Variants in CEACAM3 observed in about 807,000 individuals in gnomAD.
The protein encoded by CEACAM3 is CEA cell adhesion molecule 3.
In CEACAM3, 32 loss-of-function variants were observed where a neutral mutation model predicts 30.1. The ratio of observed to expected loss-of-function variants is 1.06; its 90% CI spans 0.80 to 1.43. CEACAM3 has a LOEUF of 1.43. CEACAM3 is among the 40% of genes most tolerant of loss of function. The probability of loss-of-function intolerance (pLI) is 0.00; values close to 1 mark genes in which losing one functional copy is unlikely to be tolerated. For missense variants in CEACAM3, 290 were observed against 316.3 expected (o/e 0.92, Z 0.63); for synonymous variants, 134 against 127.2 (o/e 1.05, Z -0.36).
At chr19:41,803,754 C>CA (rs2073175772) in intron 2 of CEACAM3, among the ~76,000 whole-genome samples, 1 of 45,650 alleles carries the variant, frequency 2.2e-5, no homozygotes, top group African/African-American at 3.5e-5. Context: ...GCATGAGCCA[C>CA]CATGCCCGGC....
intron 2 of CEACAM3, chr19:41,807,631 A>T: frequency 8.4e-7 from 1 of 1,195,990 alleles, no homozygotes; most frequent in Non-Finnish European, 1.1e-6. Context: ...AATATCTCAG[A>T]CCCAGACTCA....
At chr19:41,798,057 A>T in intron 2 of CEACAM3, 109 bp downstream of exon 2, 1 of 1,511,700 alleles carries the variant, frequency 6.6e-7, no homozygotes, top group Admixed American at 2.2e-5. Context: ...TACATTCTGT[A>T]TCAGGGTTTG....
intron 2 of CEACAM3, chr19:41,807,410 GC>G: frequency 1.2e-6 from 1 of 836,726 alleles, no homozygotes; most frequent in South Asian, 3.3e-5. Flanking sequence ...TTCCTCTGTG[GC>G]CCAGGCTTCC....
In CEACAM3 at chr19:41,808,829, C is replaced by A. The variant is rs1555827166; in HGVS notation, c.441C>A (p.Gly147=). The A allele has an allele frequency of 6.2e-7, 1 of 1,612,790 alleles. No homozygotes were observed. Among genetic ancestry groups the A allele is most frequent in the African/African-American group, 1.3e-5 (1 of 74,994 alleles). Residue 147 remains glycine, a synonymous_variant, in exon 3 of 7, where the codon GGC becomes GGA. Transcript: ENST00000357396. ...QFHVYQENAP[G]LPVGAVAGIV... ...TTTCTGCAGAAGAAAATGCCCCAGG[C>A]CTTCCTGTGGGGGCCGTCGCCGGCA... is the stretch of plus-strand genomic sequence containing the variant.
chr19:41,796,959 T>C (rs1016479019), intron 1 of CEACAM3, among the ~76,000 whole-genome samples: 1 of 152,212 alleles, frequency 6.6e-6, no homozygotes, highest in Non-Finnish European at 1.5e-5. Context: ...TCCAAGTTAA[T>C]CATTACTGGC....
intron 2 of CEACAM3, among the ~76,000 whole-genome samples, chr19:41,798,621 T>C (rs1431760312): frequency 6.6e-6 from 1 of 152,166 alleles, no homozygotes; most frequent in Non-Finnish European, 1.5e-5. Context: ...GGAACTTAGA[T>C]GACTCCATGG....
chr19:41,810,478 C>T, intron 5 of CEACAM3, 124 bp downstream of exon 5: 4 of 1,163,694 alleles, frequency 3.4e-6, no homozygotes, highest in South Asian at 1.3e-5. Flanking sequence ...CAGGACAAGG[C>T]TAGCCCTGCC....
rs1600524780 is a variant in CEACAM3, at chr19:41,810,854, A to G, written c.650A>G (p.Gln217Arg). 2 of 1,613,152 alleles carry G rather than the reference A, an allele frequency of 1.2e-6. No individual in the cohort carries two copies. Among genetic ancestry groups the G allele is most frequent in the East Asian group, 4.5e-5 (2 of 44,870 alleles). The change falls in exon 6 of 7, where the codon CAG (glutamine) becomes CGG (arginine). Residue 217 changes from glutamine to arginine, a missense_variant. Coordinates refer to ENST00000357396, the MANE Select transcript of CEACAM3 (RefSeq NM_001815.5). ...AFSMSPLSTAQAPLPNPRTAA... is the reference protein window; with the variant it reads ...AFSMSPLSTARAPLPNPRTAA... ...CAGATGTCCCCTCTCTCCACTGCCC[A>G]GGCCCCCCTACCCAACCCCAGGACA... is the stretch of plus-strand genomic sequence containing the variant.
chr19:41,810,203 G>A, intron 4 of CEACAM3, 120 bp from the exon 5 acceptor site: 2 of 1,386,718 alleles, frequency 1.4e-6, no homozygotes, highest in Non-Finnish European at 1.0e-6. Flanking sequence ...TCTGGGTCAT[G>A]GGTCACCTCC....
At chr19:41,810,431 C>T in intron 5 of CEACAM3, 77 bp downstream of exon 5, 3 of 1,468,696 alleles carry the variant, frequency 2.0e-6, no homozygotes, top group Non-Finnish European at 1.9e-6. Context: ...CCATCAGCCC[C>T]CCAGCACAGA....
intron 5 of CEACAM3, among the ~76,000 whole-genome samples, 189 bp from the exon 6 acceptor site, chr19:41,810,643 G>A (rs567752972): frequency 6.6e-6 from 1 of 152,264 alleles, no homozygotes; most frequent in East Asian, 1.9e-4. Flanking sequence ...ATTAACAAGG[G>A]TGCAGGGTGG....
chr19:41,800,406 G>A (rs906721909), intron 2 of CEACAM3, among the ~76,000 whole-genome samples: 2 of 152,076 alleles, frequency 1.3e-5, no homozygotes, highest in Non-Finnish European at 2.9e-5. Flanking sequence ...TTGGCAGACC[G>A]GGAAAGGGAG....
intron 2 of CEACAM3, among the ~76,000 whole-genome samples, chr19:41,798,626 C>T (rs1568738286): frequency 6.6e-6 from 1 of 152,162 alleles, no homozygotes; most frequent in Non-Finnish European, 1.5e-5. Flanking sequence ...TTAGATGACT[C>T]CATGGGAAGT....
chr19:41,804,842 T>C (rs1315399163), intron 2 of CEACAM3, among the ~76,000 whole-genome samples: 2 of 152,132 alleles, frequency 1.3e-5, no homozygotes, highest in East Asian at 1.9e-4. Flanking sequence ...AATTTCTTTT[T>C]TTTTTTTCAC....
intron 6 of CEACAM3, 102 bp from the exon 7 acceptor site, chr19:41,811,070 G>T (rs940394044): frequency 2.2e-6 from 3 of 1,388,678 alleles, no homozygotes; most frequent in African/African-American, 2.9e-5. Flanking sequence ...GCACAGCCAG[G>T]TTCAGCCCCA....
chr19:41,798,627 CA>C (rs2073122931), intron 2 of CEACAM3, among the ~76,000 whole-genome samples: 1 of 152,146 alleles, frequency 6.6e-6, no homozygotes, highest in Admixed American at 6.5e-5. Flanking sequence ...TAGATGACTC[CA>C]TGGGAAGTTC....
intron 2 of CEACAM3, among the ~76,000 whole-genome samples, chr19:41,798,522 G>T (rs1029758087): frequency 2.0e-5 from 3 of 152,186 alleles, no homozygotes; most frequent in Non-Finnish European, 4.4e-5. Context: ...ACCTCTCCTG[G>T]GCAAGGACAG....
intron 2 of CEACAM3, among the ~76,000 whole-genome samples, chr19:41,804,383 T>C (rs1027293248): frequency 6.6e-6 from 1 of 152,140 alleles, no homozygotes; most frequent in Non-Finnish European, 1.5e-5. Flanking sequence ...TTCGGGCTAA[T>C]TTAATCAAAT....
chr19:41,802,098 C>T (rs1431667003), intron 2 of CEACAM3, among the ~76,000 whole-genome samples: 2 of 152,186 alleles, frequency 1.3e-5, no homozygotes, highest in Non-Finnish European at 2.9e-5. Context: ...AGCTTACTCT[C>T]GCCATCTTAA....
Sources: allele counts gnomAD v4.1 joint callset (sites outside exome capture counted in the v4.1 genomes callset), GRCh38; gene constraint gnomAD v4.1.1; transcripts MANE v1.5; gene names NCBI Gene and HGNC (gene_info 2026-07-23, HGNC 2026-07-21).